The following UPP1 variants were observed in gnomAD, a reference collection of about 807,000 sequenced individuals.
The protein encoded by UPP1 is UPase 1.
UPP1 carries 25 observed loss-of-function variants against 29.6 expected under a neutral mutation model. The observed-to-expected ratio is 0.85, with a 90% CI of 0.62 to 1.18. The LOEUF is 1.18. Among genes scored for constraint, UPP1 ranks in the 50% most tolerant of loss-of-function variants. The pLI, the probability that UPP1 is intolerant of heterozygous loss-of-function variation, is 0.00. For missense variants in UPP1, 368 were observed against 410.4 expected, an observed-to-expected ratio of 0.90 and a Z score of 0.89; for synonymous variants, 165 against 159.8, an observed-to-expected ratio of 1.03 and a Z score of -0.25.
chr7:48,104,898 G>A (rs1325459373), intron 6 of UPP1: 1 of 152,194 alleles, frequency 6.6e-6, no homozygotes, highest in Non-Finnish European at 1.5e-5. Context: ...AATTCTGGAG[G>A]GAGTAGTATA....
At chr7:48,096,328 T>C (rs1792128123) in intron 3 of UPP1, among the ~76,000 whole-genome samples, 1 of 152,202 alleles carries the variant, frequency 6.6e-6, no homozygotes, top group Non-Finnish European at 1.5e-5. Flanking sequence ...TGAATGGGGT[T>C]ACTGATGGTA....
At chr7:48,098,509 A>G (rs1190134901) in intron 3 of UPP1, among the ~76,000 whole-genome samples, 1 of 152,226 alleles carries the variant, frequency 6.6e-6, no homozygotes, top group Non-Finnish European at 1.5e-5. Flanking sequence ...TACATTAATT[A>G]TGTATACCAG....
chr7:48,090,555 G>C (rs780374582), intron 2 of UPP1, among the ~76,000 whole-genome samples, 191 bp downstream of exon 2: 2 of 152,090 alleles, frequency 1.3e-5, no homozygotes, highest in Admixed American at 6.6e-5. Context: ...CCTTCCTGGG[G>C]TCTTCTGGTT....
At chr7:48,092,585 C>G (rs565956734) in intron 2 of UPP1, among the ~76,000 whole-genome samples, 1 of 152,260 alleles carries the variant, frequency 6.6e-6, no homozygotes, top group African/African-American at 2.4e-5. Context: ...GCCTGTAATT[C>G]CAGCTACTTG....
At chr7:48,104,703 A>C (rs1371386325) in intron 6 of UPP1, 1 of 152,246 alleles carries the variant, frequency 6.6e-6, no homozygotes, top group East Asian at 1.9e-4. Context: ...CTGTAATTCC[A>C]AGTTTAGCGA....
At chr7:48,107,779 G>C (rs1792846843) in intron 8 of UPP1, among the ~76,000 whole-genome samples, 1 of 152,176 alleles carries the variant, frequency 6.6e-6, no homozygotes, top group Non-Finnish European at 1.5e-5. Context: ...GCTGCCACCA[G>C]GTCTATAAAA....
intron 2 of UPP1, 119 bp from the exon 3 acceptor site, chr7:48,094,644 C>T: frequency 2.6e-6 from 2 of 779,934 alleles, no homozygotes; most frequent in East Asian, 2.6e-5. Context: ...CACACACTTA[C>T]ATCAGGTGTG....
At chr7:48,106,420 C>T (rs1209307550) in intron 6 of UPP1, 1 of 174,144 alleles carries the variant, frequency 5.7e-6, no homozygotes, top group East Asian at 1.4e-4. Flanking sequence ...AAGTGATTCT[C>T]CCGCCTCAGT....
chr7:48,105,791 C>T (rs1412707543), intron 6 of UPP1: 2 of 152,174 alleles, frequency 1.3e-5, no homozygotes, highest in African/African-American at 4.8e-5. Flanking sequence ...CATGCAGGCT[C>T]CACCCTCATG....
intron 2 of UPP1, among the ~76,000 whole-genome samples, chr7:48,094,246 TTTTTG>T (rs564052320): frequency 1.3e-5 from 2 of 151,754 alleles, no homozygotes; most frequent in African/African-American, 2.4e-5. Context: ...AAGGGACAGG[TTTTTG>T]TTTTGTTTTG....
At position 48,104,626 on chromosome 7, in the gene UPP1, A is replaced by G. The variant is rs529354151; in HGVS notation, c.436+1215A>G. 2.6e-5 allele frequency: 4 copies of G among 152,308 alleles called. No homozygotes were observed. In the East Asian group the frequency reaches 7.7e-4, roughly 29 times the overall value. The allele number at this position is 152,308 out of a possible 1,614,324, so 9.4% of individuals were successfully genotyped here. On this transcript the variant is annotated intron_variant, in intron 6 of 8. Coordinates refer to ENST00000395564, the MANE Select transcript of UPP1 (RefSeq NM_003364.4). Reference sequence around the variant, plus strand: ...TGCTTTAGACCCAAATATTTTGAATATGTTATCTTGTCTCTTTTCTTTTTG... The same window carrying G: ...TGCTTTAGACCCAAATATTTTGAATGTGTTATCTTGTCTCTTTTCTTTTTG...
chr7:48,102,754 AG>A (rs776622219), intron 5 of UPP1, among the ~76,000 whole-genome samples: 9 of 152,086 alleles, frequency 5.9e-5, no homozygotes, highest in African/African-American at 1.7e-4. Context: ...TTGTGACACT[AG>A]GGGGGGTGCT....
Position 48,094,818 on chromosome 7 carries a change from A to AAAGTCAC in UPP1, c.40_44+2dup. The AAAGTCAC allele has an allele frequency of 6.2e-7, 1 of 1,614,200 alleles. No individual in the cohort carries two copies. The highest frequency in any genetic ancestry group is 8.5e-7 in the Non-Finnish European group (1 of 1,180,042). On this transcript the variant is annotated frameshift_variant, in exon 3 of 9. Transcript: ENST00000395564. LOFTEE classifies it high-confidence loss of function. ...ACGGGAGCCAATGCAGAGAAAGCTG[A>AAAGTCAC]AAGTCACAAGTAAGGCTCCATTTCA...
intron 3 of UPP1, among the ~76,000 whole-genome samples, chr7:48,095,052 ATGT>A (rs1325649627): frequency 6.6e-6 from 1 of 152,166 alleles, no homozygotes; most frequent in African/African-American, 2.4e-5. Flanking sequence ...TTCTTAGGAC[ATGT>A]TGTTTCAGAA....
intron 2 of UPP1, among the ~76,000 whole-genome samples, chr7:48,091,443 A>G (rs963407161): frequency 6.6e-6 from 1 of 152,154 alleles, no homozygotes; most frequent in East Asian, 1.9e-4. Context: ...AAACCAGCAA[A>G]ACTCTCCTGT....
intron 1 of UPP1, 101 bp downstream of exon 1, chr7:48,089,519 G>C (rs1439229844): frequency 2.0e-5 from 3 of 152,694 alleles, no homozygotes; most frequent in Non-Finnish European, 2.9e-5. Flanking sequence ...GGGCGGTGAC[G>C]GAGGCTCTGG....
rs752622063 is a variant in UPP1, at chr7:48,107,077, A to AT, written c.642dup (p.Glu215Ter). On this transcript the variant is annotated frameshift_variant, in exon 7 of 9. Coordinates refer to ENST00000395564, the MANE Select transcript of UPP1 (RefSeq NM_003364.4). LOFTEE classifies it high-confidence loss of function. ...AACACCATGTGCACCTTGGACTTCT[A>AT]TGAAGGTGAGGCAGCGGATACGAGG... 2.5e-6 allele frequency: 4 copies of AT among 1,611,774 alleles called. No homozygotes were observed. In the South Asian group the frequency reaches 4.4e-5, roughly 18 times the overall value.
At chr7:48,098,440 A>G (rs1216139892) in intron 3 of UPP1, among the ~76,000 whole-genome samples, 1 of 152,232 alleles carries the variant, frequency 6.6e-6, no homozygotes, top group African/African-American at 2.4e-5. Context: ...CGTGGGATTC[A>G]GAGATATATA....
chr7:48,088,961 A>C (rs7458962), upstream of UPP1: 1 of 152,138 alleles, frequency 6.6e-6, no homozygotes, highest in South Asian at 2.1e-4. Context: ...CTGTTTAATG[A>C]GTAACAGAAC....
Sources: allele counts gnomAD v4.1 joint callset (sites outside exome capture counted in the v4.1 genomes callset), GRCh38; gene constraint gnomAD v4.1.1; transcripts MANE v1.5; gene names NCBI Gene and HGNC (gene_info 2026-07-23, HGNC 2026-07-21).